The following CRACD variants were observed in gnomAD, a reference collection of about 807,000 sequenced individuals.
CRACD encodes capping protein-inhibiting regulator of actin dynamics.
CRACD carries 56 observed loss-of-function variants against 106.8 expected under a neutral mutation model. The ratio of observed to expected loss-of-function variants is 0.52; its 90% CI spans 0.42 to 0.66. The LOEUF is 0.66. CRACD is among the 30% of genes least tolerant of loss of function. CRACD has a pLI of 0.00. For synonymous variants in CRACD, 754 were observed against 670.8 expected (o/e 1.12, Z -1.92); for missense variants, 1,730 against 1,623.2 (o/e 1.07, Z -1.13).
intron 10 of CRACD, 28 bp downstream of exon 10, chr4:56,324,294 C>A: frequency 6.3e-7 from 1 of 1,595,360 alleles, no homozygotes; most frequent in Non-Finnish European, 8.6e-7. Flanking sequence ...TGCTTTGTAA[C>A]TGTAGTTCCA....
chr4:56,118,585 A>G (rs1043777776), intron 1 of CRACD, among the ~76,000 whole-genome samples: 2 of 152,136 alleles, frequency 1.3e-5, no homozygotes, highest in Non-Finnish European at 2.9e-5. Flanking sequence ...GGTTTTGTTC[A>G]TGGATGTTTA....
intron 4 of CRACD, among the ~76,000 whole-genome samples, chr4:56,301,637 T>G (rs73240537): frequency 0.09 from 13,616 of 152,122 alleles, 802 homozygotes; most frequent in Middle Eastern, 0.22. Flanking sequence ...GAAGGGTGTC[T>G]GTCTGTAATG....
At position 56,315,090 on chromosome 4, in the gene CRACD, A is replaced by C; in HGVS notation, c.1588A>C (p.Arg530=). 2 of 1,611,166 alleles carry C rather than the reference A, an allele frequency of 1.2e-6. No homozygotes were observed. The highest frequency in any genetic ancestry group is 1.7e-6 in the Non-Finnish European group (2 of 1,179,254). The change falls in exon 8 of 11, where the codon AGA becomes CGA. Residue 530 remains arginine, a synonymous_variant. Transcript: ENST00000682029. The surrounding 1 kb of genome is among the most constrained non-coding windows in gnomAD (Gnocchi z 4.1). Reference sequence around the variant, plus strand: ...GCTGCGGTGGCAGGAGGTGGACGAGAGACAGACCATGCCCCGGCCCTACAC... The same window carrying C: ...GCTGCGGTGGCAGGAGGTGGACGAGCGACAGACCATGCCCCGGCCCTACAC... ...EELRWQEVDE[R]QTMPRPYTFQ...
At chr4:56,065,468 C>A (rs1245448238) in intron 1 of CRACD, among the ~76,000 whole-genome samples, 1 of 152,062 alleles carries the variant, frequency 6.6e-6, no homozygotes, top group South Asian at 2.1e-4. Context: ...GTTTGTGGGG[C>A]GAGGCTTCTG....
intron 1 of CRACD, among the ~76,000 whole-genome samples, chr4:56,173,964 C>T (rs1736482460): frequency 1.3e-5 from 2 of 152,056 alleles, no homozygotes; most frequent in Admixed American, 1.3e-4. Flanking sequence ...TTTGTATTTC[C>T]CTAATGGTTG....
At chr4:56,179,730 G>C (rs1271069249) in intron 2 of CRACD, among the ~76,000 whole-genome samples, 2 of 152,126 alleles carry the variant, frequency 1.3e-5, no homozygotes, top group Non-Finnish European at 2.9e-5. Context: ...CAAAAATGTG[G>C]TTATCACCCG....
chr4:56,313,483 A>T (rs6554344), intron 7 of CRACD, 104 bp downstream of exon 7: 805,986 of 932,602 alleles, frequency 0.86, 349,383 homozygotes, highest in Middle Eastern at 0.9. Context: ...AAGACCTGAG[A>T]GTCTCCCCAT....
In CRACD at chr4:56,087,556, A is replaced by C. The variant is rs112785408; in HGVS notation, c.-336+38257A>C. ...ATTCTTTCTGAAACCTTCTTCTTCCATATGCCTTCTTTAGCTGGTTTCACT... is the reference window on the plus strand; with the variant it reads ...ATTCTTTCTGAAACCTTCTTCTTCCCTATGCCTTCTTTAGCTGGTTTCACT... On this transcript the variant is annotated intron_variant, in intron 1 of 10. Transcript: ENST00000682029. Among the ~76,000 whole-genome samples the C allele has an allele frequency of 9.0e-3, 1,369 of 152,102 alleles. 15 individuals are homozygous for C. Among genetic ancestry groups the C allele is most frequent in the Non-Finnish European group, 0.013 (874 of 67,990 alleles).
In CRACD at chr4:56,072,957, A is replaced by G. The variant is rs538899908; in HGVS notation, c.-336+23658A>G. ...AACGCATTCTTTTTTATGGCTGCAT[A>G]GTATGCCATGTTGTGTATGTGCCAC... On this transcript the variant is annotated intron_variant, in intron 1 of 10. Coordinates refer to ENST00000682029, the MANE Select transcript of CRACD (RefSeq NM_001393381.1). Among the ~76,000 whole-genome samples, 6 of 152,302 alleles carry G rather than the reference A, an allele frequency of 3.9e-5. No homozygotes were observed. In the East Asian group the frequency reaches 7.7e-4, roughly 20 times the overall value.
At chr4:56,166,955 C>T (rs749816374) in intron 1 of CRACD, among the ~76,000 whole-genome samples, 7 of 152,152 alleles carry the variant, frequency 4.6e-5, no homozygotes, top group Non-Finnish European at 7.3e-5. Context: ...GGACAGTGCT[C>T]TGAAATCTGC....
At chr4:56,190,652 G>A (rs1353860652) in intron 2 of CRACD, among the ~76,000 whole-genome samples, 1 of 152,148 alleles carries the variant, frequency 6.6e-6, no homozygotes, top group African/African-American at 2.4e-5. Flanking sequence ...TAGCTTTGAA[G>A]GGTACAGCCT....
In CRACD at chr4:56,158,357, T is replaced by C. The variant is rs555686875; in HGVS notation, c.-335-20927T>C. On this transcript the variant is annotated intron_variant, in intron 1 of 10. Coordinates refer to ENST00000682029, the MANE Select transcript of CRACD (RefSeq NM_001393381.1). ...TTTTGCCTGAAAATCTCTTGACCCT[T>C]ACAGAAAATGCTGTAAATAAATTTA... Among the ~76,000 whole-genome samples, 4 of 152,324 alleles carry C rather than the reference T, an allele frequency of 2.6e-5. No individual in the cohort carries two copies. The South Asian group carries it at 8.3e-4, about 32-fold the overall frequency.
chr4:56,326,060 C>T (rs1288754787), intron 10 of CRACD, among the ~76,000 whole-genome samples: 4 of 152,114 alleles, frequency 2.6e-5, no homozygotes, highest in African/African-American at 7.2e-5. Flanking sequence ...TACAGGCACA[C>T]GCCACCACAC....
At chr4:56,223,714 G>A (rs1301979145) in intron 2 of CRACD, among the ~76,000 whole-genome samples, 2 of 152,148 alleles carry the variant, frequency 1.3e-5, no homozygotes, top group Admixed American at 6.5e-5. Context: ...TGATTTACCT[G>A]TCTATTCATA....
chr4:56,315,272 C>T lies in CRACD; in HGVS notation c.1770C>T (p.Ser590=). 3 of 1,611,662 alleles carry T rather than the reference C, an allele frequency of 1.9e-6. No individual in the cohort carries two copies. The highest frequency in any genetic ancestry group is 2.5e-6 in the Non-Finnish European group (3 of 1,179,190). The change falls in exon 8 of 11, where the codon AGC becomes AGT. Residue 590 remains serine (S), a synonymous_variant. Coordinates refer to ENST00000682029, the MANE Select transcript of CRACD (RefSeq NM_001393381.1). The surrounding 1 kb of genome is among the most constrained non-coding windows in gnomAD (Gnocchi z 4.1). ...AGCACGCCCTACCGTCGTCCCTGAG[C>T]GTTCCCCACACCGCCATTCTGGTCA... ...PVQHALPSSL[S]VPHTAILVTG...
intron 4 of CRACD, among the ~76,000 whole-genome samples, chr4:56,307,004 C>T (rs937038787): frequency 1.4e-4 from 21 of 152,196 alleles, no homozygotes; most frequent in Admixed American, 4.6e-4. Flanking sequence ...TTTGGGGTCT[C>T]AAGCTAAGGG....
intron 2 of CRACD, among the ~76,000 whole-genome samples, chr4:56,188,719 G>C (rs1479593433): frequency 8.1e-5 from 12 of 147,966 alleles, no homozygotes; most frequent in South Asian, 2.1e-4. Context: ...CACAGAGAGA[G>C]AGAGAGAGAG....
intron 2 of CRACD, among the ~76,000 whole-genome samples, chr4:56,218,147 TA>T (rs1738812388): frequency 6.6e-6 from 1 of 152,184 alleles, no homozygotes; most frequent in Admixed American, 6.5e-5. Flanking sequence ...TGATTACTTC[TA>T]AAAAGACACT....
chr4:56,231,259 A>G (rs1374210212), intron 2 of CRACD, among the ~76,000 whole-genome samples: 2 of 152,296 alleles, frequency 1.3e-5, no homozygotes, highest in East Asian at 3.9e-4. Context: ...TAAGTGTCCC[A>G]AGAGAAGAGG....
Sources: allele counts gnomAD v4.1 joint callset (sites outside exome capture counted in the v4.1 genomes callset), GRCh38; gene constraint gnomAD v4.1.1; non-coding constraint Gnocchi (gnomAD v3.1); transcripts MANE v1.5; gene names NCBI Gene and HGNC (gene_info 2026-07-23, HGNC 2026-07-21).